MAP2K2: variants seen among roughly 807,000 people sequenced by gnomAD.
MAP2K2 encodes the protein dual specificity mitogen-activated protein kinase kinase 2.
A neutral mutation model predicts 43.7 loss-of-function variants in MAP2K2; 24 were observed. That is an observed-to-expected ratio of 0.55 (90% CI 0.40 to 0.77). The LOEUF is 0.77. MAP2K2 is among the 30% of genes least tolerant of loss of function. The pLI is 0.00. For synonymous variants in MAP2K2, 244 were observed against 239.7 expected (o/e 1.02, Z -0.17); for missense variants, 470 against 566.8 (o/e 0.83, Z 1.73).
rs1377177421 is a variant in MAP2K2, at chr19:4,101,581, C to T, written c.529-301G>A. Among the ~76,000 whole-genome samples the T allele has an allele frequency of 6.6e-6, 1 of 152,200 alleles. No individual in the cohort carries two copies. Among genetic ancestry groups the T allele is most frequent in the Admixed American group, 6.5e-5 (1 of 15,292 alleles). On this transcript the variant is annotated intron_variant, in intron 4 of 10. Transcript: ENST00000262948. The surrounding 1 kb of genome is among the most constrained non-coding windows in gnomAD (Gnocchi z 6.3). Reference sequence around the variant, plus strand: ...CCCCAGGGAAGCTGAGATGGTGGCCCATGGCCCGGGAGTAGGCTGGGCTGC... The same window carrying T: ...CCCCAGGGAAGCTGAGATGGTGGCCTATGGCCCGGGAGTAGGCTGGGCTGC...
intron 2 of MAP2K2, among the ~76,000 whole-genome samples, chr19:4,117,147 G>A (rs1419222423): frequency 1.3e-5 from 2 of 152,176 alleles, no homozygotes; most frequent in East Asian, 3.8e-4. Flanking sequence ...ACCCCCACGT[G>A]CTAGCTTTCT....
chr19:4,094,209 T>TCAGAGCC (rs1187127819), intron 10 of MAP2K2, among the ~76,000 whole-genome samples: 1 of 152,040 alleles, frequency 6.6e-6, no homozygotes, highest in African/African-American at 2.4e-5. Flanking sequence ...GCGGCGGAGC[T>TCAGAGCC]CAGAGCCCAG....
chr19:4,111,184 G>A (rs1034367469), intron 2 of MAP2K2, among the ~76,000 whole-genome samples: 11 of 152,112 alleles, frequency 7.2e-5, no homozygotes, highest in Non-Finnish European at 1.3e-4. Flanking sequence ...TTGGGGTGAT[G>A]GAATACTGTA....
intron 1 of MAP2K2, among the ~76,000 whole-genome samples, chr19:4,123,011 C>A (rs907457010): frequency 1.3e-5 from 2 of 150,430 alleles, no homozygotes; most frequent in Admixed American, 6.6e-5. Flanking sequence ...CCTCCCCACA[C>A]CCCATCCTCT....
chr19:4,098,878 T>C (rs2040958987), intron 7 of MAP2K2, among the ~76,000 whole-genome samples: 1 of 152,276 alleles, frequency 6.6e-6, no homozygotes, highest in Admixed American at 6.5e-5. Flanking sequence ...TCCACTTTTC[T>C]GTGCGTTTGA....
In MAP2K2 at chr19:4,117,557, T is replaced by C. The variant is rs776932894; in HGVS notation, c.165A>G (p.Glu55=). The C allele has an allele frequency of 7.4e-6, 12 of 1,614,156 alleles. No individual in the cohort carries two copies. Among genetic ancestry groups the C allele is most frequent in the Non-Finnish European group, 8.5e-6 (10 of 1,180,034 alleles). Residue 55 remains glutamate, a synonymous_variant, in exon 2 of 11, where the codon GAA becomes GAG. Coordinates refer to ENST00000262948, the MANE Select transcript of MAP2K2 (RefSeq NM_030662.4). The part of the protein sequence containing the change: ...ELDEQQKKRL[E]AFLTQKAKVG... ...CCTTGGCTTTCTGGGTGAGAAAGGC[T>C]TCCAGCCGCTTCTTCTGCTGCTCGT...
At chr19:4,109,271 C>T (rs1449192257) in intron 3 of MAP2K2, among the ~76,000 whole-genome samples, 3 of 152,062 alleles carry the variant, frequency 2.0e-5, no homozygotes, top group Non-Finnish European at 2.9e-5. Flanking sequence ...TTCTGGGCTT[C>T]GAGGCCAGAG....
At chr19:4,103,222 G>A (rs757345350) in intron 3 of MAP2K2, 147 of 986,608 alleles carry the variant, frequency 1.5e-4, no homozygotes, top group African/African-American at 2.3e-4. Flanking sequence ...GCCTGGAAAC[G>A]AGTCATCATG....
chr19:4,102,265 G>T, intron 4 of MAP2K2, 111 bp downstream of exon 4: 1 of 925,350 alleles, frequency 1.1e-6, no homozygotes, highest in Non-Finnish European at 1.7e-6. Context: ...CTTTCTGCAG[G>T]GGCCACCCTA....
At chr19:4,097,225 A>AT in intron 8 of MAP2K2, 54 bp downstream of exon 8, 1 of 1,251,248 alleles carries the variant, frequency 8.0e-7, no homozygotes, top group Non-Finnish European at 1.1e-6. Flanking sequence ...AAAAAAAAAA[A>AT]AAAGAAAGAA....
chr19:4,099,176 CG>C lies in MAP2K2; in HGVS notation c.919+24del, dbSNP rs769948585. Reference sequence around the variant, plus strand: ...CGCGCAGGGCACTGCGCGTCCAGACCGGAAGTTGCAGATTCAGGCCGTACCG... The same window carrying C: ...CGCGCAGGGCACTGCGCGTCCAGACCGAAGTTGCAGATTCAGGCCGTACCG... On this transcript the variant is annotated intron_variant, in intron 7 of 10. Transcript: ENST00000262948. The C allele has an allele frequency of 1.0e-5, 16 of 1,581,282 alleles. No individual in the cohort carries two copies. The Admixed American group carries it at 2.0e-4, about 19-fold the overall frequency.
At chr19:4,108,903 C>T (rs745843242) in intron 3 of MAP2K2, among the ~76,000 whole-genome samples, 2 of 152,188 alleles carry the variant, frequency 1.3e-5, no homozygotes, top group Non-Finnish European at 2.9e-5. Flanking sequence ...GACCACAAAG[C>T]GCTTCCTCAT....
intron 10 of MAP2K2, among the ~76,000 whole-genome samples, chr19:4,092,634 GTTAT>G (rs944769803): frequency 2.0e-5 from 3 of 152,020 alleles, no homozygotes; most frequent in Non-Finnish European, 4.4e-5. Context: ...TCTCTTTTTA[GTTAT>G]TTATTTATTT....
chr19:4,092,461 A>G (rs1324700182), intron 10 of MAP2K2, among the ~76,000 whole-genome samples: 1 of 151,872 alleles, frequency 6.6e-6, no homozygotes, highest in Non-Finnish European at 1.5e-5. Context: ...TGGTGGCACG[A>G]GCCTGTAATC....
chr19:4,112,604 G>A (rs944140709), intron 2 of MAP2K2, among the ~76,000 whole-genome samples: 2 of 147,322 alleles, frequency 1.4e-5, no homozygotes, highest in African/African-American at 5.0e-5. Flanking sequence ...CCCCCCGCCC[G>A]GCCGCTCCTC....
intron 8 of MAP2K2, among the ~76,000 whole-genome samples, chr19:4,096,677 C>G (rs564515894): frequency 6.6e-6 from 1 of 152,226 alleles, no homozygotes; most frequent in Non-Finnish European, 1.5e-5. Flanking sequence ...ATTCCTGTAC[C>G]TTTCTCCGTG....
chr19:4,093,269 C>T lies in MAP2K2; in HGVS notation c.1092+1184G>A, dbSNP rs1231539429. Among the ~76,000 whole-genome samples, 5 of 152,226 alleles carry T rather than the reference C, an allele frequency of 3.3e-5. No individual in the cohort carries two copies. In the East Asian group the frequency reaches 9.7e-4, roughly 29 times the overall value. ...CAAAAACTAGCTGGGCTTGGTGGCA[C>T]ACATCGGTAGCCCCAGCTGCTCAGG... is the stretch of plus-strand genomic sequence containing the variant. On this transcript the variant is annotated intron_variant, in intron 10 of 10. Transcript: ENST00000262948.
At chr19:4,100,879 G>A (rs1234805636) in intron 6 of MAP2K2, 140 bp downstream of exon 6, 4 of 991,976 alleles carry the variant, frequency 4.0e-6, no homozygotes, top group Non-Finnish European at 6.0e-6. Context: ...GAGCTGCGCA[G>A]GAGAACTGGG....
In MAP2K2 at chr19:4,123,789, G is replaced by A. The variant is rs1315021637; in HGVS notation, c.87C>T (p.Ala29=). 3.9e-6 allele frequency: 6 copies of A among 1,557,608 alleles called. No homozygotes were observed. The highest frequency in any genetic ancestry group is 5.2e-6 in the Non-Finnish European group (6 of 1,156,522). ...AEGPSPTSEG[A]SEANLVDLQK... is the part of the protein sequence containing the mutation. ...GCTGACCCCTGCCCACTCACTCGGA[G>A]GCGCCCTCGCTGGTAGGGGATGGGC... The change falls in exon 1 of 11, where the codon GCC becomes GCT. Residue 29 remains alanine, a synonymous_variant. Transcript: ENST00000262948.
Sources: allele counts gnomAD v4.1 joint callset (sites outside exome capture counted in the v4.1 genomes callset), GRCh38; gene constraint gnomAD v4.1.1; non-coding constraint Gnocchi (gnomAD v3.1); transcripts MANE v1.5; gene names NCBI Gene and HGNC (gene_info 2026-07-23, HGNC 2026-07-21).